DACH2: variants seen among roughly 807,000 people sequenced by gnomAD.
DACH2 encodes the protein dachshund homolog 2.
DACH2 carries 17 observed loss-of-function variants against 35.8 expected under a neutral mutation model. That is an observed-to-expected ratio of 0.48 (90% CI 0.33 to 0.71). The LOEUF (loss-of-function observed/expected upper bound fraction) is 0.71, where lower values mean the gene tolerates loss of function less well. Among genes scored for constraint, DACH2 ranks in the 30% least tolerant of loss-of-function variants. The pLI is 0.02. For synonymous variants in DACH2, 195 were observed against 177.3 expected (o/e 1.10, Z -0.79); for missense variants, 469 against 472.7 (o/e 0.99, Z 0.07).
At chrX:86,268,316 T>C (rs1196575749) in intron 1 of DACH2, among the ~76,000 whole-genome samples, 3 of 110,917 alleles carry the variant, frequency 2.7e-5, no homozygotes, top group Non-Finnish European at 5.7e-5. Flanking sequence ...CCAGGAACTC[T>C]TCTAACTGCT....
At chrX:86,722,807 A>G (rs2041421825) in intron 6 of DACH2, among the ~76,000 whole-genome samples, 2 of 110,562 alleles carry the variant, frequency 1.8e-5, no homozygotes, top group South Asian at 7.7e-4. Flanking sequence ...GTTTCCTTTT[A>G]TTGTTGTGTT....
chrX:86,608,260 G>A (rs1367284719), intron 3 of DACH2, among the ~76,000 whole-genome samples: 1 of 111,275 alleles, frequency 9.0e-6, no homozygotes, highest in East Asian at 2.9e-4. Context: ...TAAAAAGTCA[G>A]GAAACAACAG....
chrX:86,175,886 T>C (rs748854800), intron 1 of DACH2, among the ~76,000 whole-genome samples: 1 of 111,287 alleles, frequency 9.0e-6, no homozygotes, highest in South Asian at 3.8e-4. Context: ...GAGGTATTGC[T>C]GTGAAATAGC....
At chrX:86,456,178 G>T (rs2037471909) in intron 2 of DACH2, among the ~76,000 whole-genome samples, 1 of 112,109 alleles carries the variant, frequency 8.9e-6, no homozygotes, top group African/African-American at 3.2e-5. Context: ...GTGAGTTTCA[G>T]TGTGAGAACC....
intron 3 of DACH2, among the ~76,000 whole-genome samples, chrX:86,649,020 G>A (rs777869222): frequency 1.8e-5 from 2 of 109,948 alleles, no homozygotes; most frequent in South Asian, 7.6e-4. Context: ...CAGGAAACTT[G>A]GTCTTCTGCT....
intron 2 of DACH2, among the ~76,000 whole-genome samples, chrX:86,502,070 C>CCTTCCTT: frequency 9.2e-6 from 1 of 108,680 alleles, no homozygotes; most frequent in African/African-American, 3.3e-5. Flanking sequence ...TTCCTTCCTT[C>CCTTCCTT]CTTTGAACCA....
intron 1 of DACH2, among the ~76,000 whole-genome samples, chrX:86,164,400 G>C (rs1317260191): frequency 9.0e-6 from 1 of 111,524 alleles, no homozygotes; most frequent in Non-Finnish European, 1.9e-5. Context: ...TTATGCTGTT[G>C]ATAGTTTCTT....
At chrX:86,795,854 T>C (rs1277023716) in intron 7 of DACH2, among the ~76,000 whole-genome samples, 3 of 87,330 alleles carry the variant, frequency 3.4e-5, no homozygotes, top group Non-Finnish European at 5.2e-5. Context: ...GCGTCTGGAG[T>C]TGTTTGTTCC....
rs755833898 is a variant in DACH2, at chrX:86,296,526, C to T, written c.489-80298C>T. 8.1e-5 allele frequency among the ~76,000 whole-genome samples: 9 copies of T among 110,913 alleles called. No individual in the cohort carries two copies. The South Asian group carries it at 3.0e-3, about 37-fold the overall frequency. ...TTAGAGATCCCATGTTCAAGTTTGC[C>T]TATAAATGAAAGAATTATTGGCAGT... On this transcript the variant is annotated intron_variant, in intron 1 of 11. Transcript: ENST00000373125.
intron 1 of DACH2, among the ~76,000 whole-genome samples, chrX:86,214,956 T>C (rs2032535072): frequency 9.0e-6 from 1 of 111,641 alleles, no homozygotes; most frequent in Non-Finnish European, 1.9e-5. Context: ...TGATATTAAA[T>C]GATGGAGGAA....
At chrX:86,239,465 G>T (rs1308975458) in intron 1 of DACH2, among the ~76,000 whole-genome samples, 1 of 111,873 alleles carries the variant, frequency 8.9e-6, no homozygotes, top group Non-Finnish European at 1.9e-5. Context: ...GTAGTCTTTT[G>T]CATCTGGCTT....
chrX:86,749,660 T>C (rs1308754252), intron 7 of DACH2, among the ~76,000 whole-genome samples: 1 of 111,236 alleles, frequency 9.0e-6, no homozygotes, highest in Non-Finnish European at 1.9e-5. Context: ...TGAAATTTCA[T>C]GAGAATTACC....
chrX:86,453,265 G>A (rs2037414137), intron 2 of DACH2, among the ~76,000 whole-genome samples: 1 of 111,963 alleles, frequency 8.9e-6, no homozygotes, highest in African/African-American at 3.2e-5. Flanking sequence ...AGTGCCATGA[G>A]GCAATTAGAA....
chrX:86,657,639 A>G (rs2040558537), intron 4 of DACH2, among the ~76,000 whole-genome samples: 1 of 111,111 alleles, frequency 9.0e-6, no homozygotes, highest in African/African-American at 3.3e-5. Flanking sequence ...AGAAAGGACA[A>G]TTTTTGGTTC....
intron 4 of DACH2, among the ~76,000 whole-genome samples, chrX:86,672,245 G>A (rs577996583): frequency 8.9e-6 from 1 of 112,213 alleles, no homozygotes; most frequent in African/African-American, 3.2e-5. Context: ...ATAAAAGTTT[G>A]GAAAATTTAC....
At chrX:86,592,873 C>A (rs1300981386) in intron 3 of DACH2, among the ~76,000 whole-genome samples, 2 of 112,026 alleles carry the variant, frequency 1.8e-5, no homozygotes, top group Non-Finnish European at 3.8e-5. Flanking sequence ...AACCATGTAT[C>A]CTGCAAACTT....
rs767152609 is a variant in DACH2, at chrX:86,698,521, G to GTTTTTTTTTTTTTTTTTTTTTTTTTTTT, written c.931+3369_931+3370insTTTTTTTTTTTTTTTTTTTTTTTTTTTT. ...CTTCTTTTTGTTTTGTTAGTTTTGT[G>GTTTTTTTTTTTTTTTTTTTTTTTTTTTT]TTTTTTTTTTTTTTTTTTTTTTTTT... On this transcript the variant is annotated intron_variant, in intron 5 of 11. Transcript: ENST00000373125. Among the ~76,000 whole-genome samples, 11 of 32,955 alleles carry GTTTTTTTTTTTTTTTTTTTTTTTTTTTT rather than the reference G, an allele frequency of 3.3e-4. 2 individuals carry two copies. The highest frequency in any genetic ancestry group is 3.3e-4 in the Non-Finnish European group (7 of 21,081). The allele number at this position is 32,955 out of a possible 115,157, so 28.6% of individuals were successfully genotyped here.
chrX:86,479,079 T>C (rs2037894820), intron 2 of DACH2, among the ~76,000 whole-genome samples: 2 of 110,127 alleles, frequency 1.8e-5, no homozygotes, highest in African/African-American at 6.6e-5. Flanking sequence ...TCCGCCAGAG[T>C]TGGGCCACCC....
chrX:86,609,489 G>GCCTTATTTAATTC (rs1275419518), intron 3 of DACH2, among the ~76,000 whole-genome samples: 2 of 111,846 alleles, frequency 1.8e-5, no homozygotes, highest in East Asian at 5.6e-4. Context: ...TTCAATTTGT[G>GCCTTATTTAATTC]AGTTAATGTT....
Sources: allele counts gnomAD v4.1 joint callset (sites outside exome capture counted in the v4.1 genomes callset), GRCh38; gene constraint gnomAD v4.1.1; transcripts MANE v1.5; gene names NCBI Gene and HGNC (gene_info 2026-07-23, HGNC 2026-07-21).